Variants in CCDC27 observed in about 807,000 individuals in gnomAD.
The protein encoded by CCDC27 is coiled-coil domain-containing protein 27.
Under a neutral mutation model 80.3 loss-of-function variants are expected in CCDC27, and 80 were observed. The ratio of observed to expected loss-of-function variants is 1.00; its 90% CI spans 0.83 to 1.20. The LOEUF (loss-of-function observed/expected upper bound fraction) is 1.20. CCDC27 is among the 50% of genes most tolerant of loss of function. The probability of loss-of-function intolerance (pLI) is 0.00; values close to 1 mark genes in which losing one functional copy is unlikely to be tolerated. For missense variants in CCDC27, 815 were observed against 809.4 expected, an observed-to-expected ratio of 1.01 and a Z score of -0.08; for synonymous variants, 342 against 334.3, an observed-to-expected ratio of 1.02 and a Z score of -0.25.
Position 3,757,172 on chromosome 1 carries a change from G to T in CCDC27, c.711+282G>T, listed in dbSNP as rs1363122191. ...ACACATCTTTGCACCCACAGTATCT[G>T]CTTCAGAGAATGTATTCTAAATAAT... On this transcript the variant is annotated intron_variant, in intron 4 of 11. Coordinates refer to ENST00000294600, the MANE Select transcript of CCDC27 (RefSeq NM_152492.3). 5 of 270,270 alleles carry T rather than the reference G, an allele frequency of 1.8e-5. No homozygotes were observed. In the East Asian group the frequency reaches 2.1e-4, roughly 12 times the overall value. The allele number at this position is 270,270 out of a possible 1,614,324, so 16.7% of individuals were successfully genotyped here.
chr1:3,755,599 C>T, intron 3 of CCDC27, 32 bp downstream of exon 3: 1 of 1,551,574 alleles, frequency 6.4e-7, no homozygotes, highest in Non-Finnish European at 8.9e-7. Flanking sequence ...CTGCCTGCAC[C>T]TGCTGGGCCC....
At chr1:3,754,070 T>C in intron 1 of CCDC27, 48 bp from the exon 2 acceptor site, 1 of 1,601,428 alleles carries the variant, frequency 6.2e-7, no homozygotes, top group Non-Finnish European at 8.5e-7. Flanking sequence ...TGGGCTGGCC[T>C]ACAGTCAGGG....
intron 4 of CCDC27, among the ~76,000 whole-genome samples, chr1:3,759,520 A>T (rs1025893113): frequency 2.6e-5 from 4 of 152,132 alleles, no homozygotes; most frequent in African/African-American, 9.7e-5. Flanking sequence ...AATCAGCTTT[A>T]GATTTTGTTG....
intron 8 of CCDC27, among the ~76,000 whole-genome samples, chr1:3,765,108 T>C (rs996174660): frequency 6.6e-6 from 1 of 151,966 alleles, no homozygotes; most frequent in African/African-American, 2.4e-5. Flanking sequence ...GTCCTTACTC[T>C]ATACCCTCAT....
rs554846627 is a variant in CCDC27 at position 3,767,161 on chromosome 1, G to T, written c.1531-72G>T. The T allele has an allele frequency of 6.1e-5, 87 of 1,427,476 alleles. No homozygotes were observed. The African/African-American group carries it at 1.1e-3, about 18-fold the overall frequency. The allele number at this position is 1,427,476 out of a possible 1,614,324, so 88.4% of individuals were successfully genotyped here. On this transcript the variant is annotated intron_variant, in intron 9 of 11. Transcript: ENST00000294600. ...GCCGCCGGCCATCTTTTAGGAAAAA[G>T]TGGATGGGTGCCACACATACTCAGG...
At position 3,763,561 on chromosome 1, in the gene CCDC27, G is replaced by C; in HGVS notation, c.1321+87G>C. 6.4e-7 allele frequency: 1 copy of C among 1,552,684 alleles called. No individual in the cohort carries two copies. ...GGACGCCCAGACGCTGCCTGCTCTG[G>C]TCAGTGAGCTGGAGCAGGGGCAGGT... On this transcript the variant is annotated intron_variant, in intron 7 of 11. Transcript: ENST00000294600. This position sits in a 1 kb window ranked among gnomAD's most constrained non-coding sequence, Gnocchi z 7.5.
intron 6 of CCDC27, 184 bp downstream of exon 6, chr1:3,762,896 C>T: frequency 1.3e-6 from 1 of 786,978 alleles, no homozygotes; most frequent in South Asian, 1.9e-5. Context: ...AGGTCAGGTG[C>T]AGTCTACTGA....
At chr1:3,755,793 G>A (rs1642938611) in intron 3 of CCDC27, 1 of 528,056 alleles carries the variant, frequency 1.9e-6, no homozygotes, top group Non-Finnish European at 3.4e-6. Flanking sequence ...CTTGTCTTTA[G>A]TAAAAATCGT....
chr1:3,755,421 C>A, intron 2 of CCDC27, 36 bp from the exon 3 acceptor site: 1 of 1,541,800 alleles, frequency 6.5e-7, no homozygotes, highest in Non-Finnish European at 9.0e-7. Flanking sequence ...GACAAGACCG[C>A]AGCAGTCACC....
chr1:3,767,105 C>T (rs753810520), intron 9 of CCDC27, 128 bp from the exon 10 acceptor site: 26 of 766,584 alleles, frequency 3.4e-5, no homozygotes, highest in African/African-American at 1.2e-4. Context: ...TCCCAAAGTG[C>T]TGGGATTACA....
chr1:3,762,488 C>A, intron 5 of CCDC27, 132 bp from the exon 6 acceptor site: 1 of 694,010 alleles, frequency 1.4e-6, no homozygotes, highest in Non-Finnish European at 2.4e-6. Context: ...ATCCCCCAGC[C>A]CCTTGGCAGG....
rs759951633 is a variant in CCDC27 at position 3,767,446 on chromosome 1, G to T, written c.1743+1G>T. The T allele has an allele frequency of 6.8e-6, 11 of 1,608,180 alleles. No individual in the cohort carries two copies. Among genetic ancestry groups the T allele is most frequent in the South Asian group, 6.6e-5 (6 of 90,496 alleles). On this transcript the variant is annotated splice_donor_variant, in intron 10 of 11. Transcript: ENST00000294600. LOFTEE classifies it high-confidence loss of function. ...GGCCCTGGAGAGCTCCCAGTCCAGG[G>T]TATGCCCAGCCCTTCCTCCTGAGGG...
chr1:3,770,545 G>A (rs940959950), intron 11 of CCDC27, among the ~76,000 whole-genome samples: 20 of 152,228 alleles, frequency 1.3e-4, no homozygotes, highest in African/African-American at 3.4e-4. Context: ...GCCGGGCACC[G>A]GCTATGGCTC....
chr1:3,765,365 C>T (rs1643203881), intron 8 of CCDC27, among the ~76,000 whole-genome samples: 1 of 152,162 alleles, frequency 6.6e-6, no homozygotes, highest in South Asian at 2.1e-4. Context: ...ACTCAGTGGC[C>T]ATCTGGAAAC....
chr1:3,753,480 C>T (rs1642874509), intron 1 of CCDC27, among the ~76,000 whole-genome samples: 1 of 151,932 alleles, frequency 6.6e-6, no homozygotes, highest in Non-Finnish European at 1.5e-5. Flanking sequence ...GCCACCTTGC[C>T]CGGCTAATTT....
Position 3,760,134 on chromosome 1 carries a change from T to C in CCDC27, c.712-1147T>C, listed in dbSNP as rs1643051742. On this transcript the variant is annotated intron_variant, in intron 4 of 11. Coordinates refer to ENST00000294600, the MANE Select transcript of CCDC27 (RefSeq NM_152492.3). This position sits in a 1 kb window ranked among gnomAD's most constrained non-coding sequence, Gnocchi z 4.3. ...ATCGGATCTCCCTTCCAGCAGTCCT[T>C]GCACTATTTTGAGACGTGCAAGTGT... 1.3e-5 allele frequency among the ~76,000 whole-genome samples: 2 copies of C among 152,240 alleles called. No individual in the cohort carries two copies. The highest frequency in any genetic ancestry group is 4.8e-5 in the African/African-American group (2 of 41,466).
intron 10 of CCDC27, 85 bp downstream of exon 10, chr1:3,767,530 G>A (rs1643256671): frequency 7.9e-7 from 1 of 1,268,402 alleles, no homozygotes; most frequent in African/African-American, 1.5e-5. Flanking sequence ...CACCGAGGTA[G>A]AACCGGGGTC....
At position 3,760,644 on chromosome 1, in the gene CCDC27, CT is replaced by C. The variant is rs1643063178; in HGVS notation, c.712-635del. Among the ~76,000 whole-genome samples the C allele has an allele frequency of 6.6e-6, 1 of 152,186 alleles. No homozygotes were observed. The highest frequency in any genetic ancestry group is 6.5e-5 in the Admixed American group (1 of 15,274). ...CCATTGGCTACACAGAAGCCTATCA[CT>C]TACTTTCCAAACATTTAGGGGACTT... is the stretch of plus-strand genomic sequence containing the variant. On this transcript the variant is annotated intron_variant, in intron 4 of 11. Transcript: ENST00000294600. The surrounding 1 kb of genome is among the most constrained non-coding windows in gnomAD (Gnocchi z 4.3).
In CCDC27 at chr1:3,766,518, CT is replaced by C. The variant is rs1557630177; in HGVS notation, c.1453-15del. The C allele has an allele frequency of 1.2e-6, 2 of 1,605,166 alleles. No individual in the cohort carries two copies. Among genetic ancestry groups the C allele is most frequent in the Non-Finnish European group, 1.7e-6 (2 of 1,173,672 alleles). On this transcript the variant is annotated splice_polypyrimidine_tract_variant and intron_variant, in intron 8 of 11. Coordinates refer to ENST00000294600, the MANE Select transcript of CCDC27 (RefSeq NM_152492.3). This position sits in a 1 kb window ranked among gnomAD's most constrained non-coding sequence, Gnocchi z 6.1. ...AACCTGGGAGTCCCCCAAGCCAACC[CT>C]TCTGTCTCCTTCCAGTTCTCCAACC...
Sources: gnomAD v4.1 joint callset for allele counts (sites outside exome capture counted in the v4.1 genomes callset) on GRCh38, gnomAD v4.1.1 for gene constraint, Gnocchi (gnomAD v3.1) non-coding constraint, MANE v1.5 for transcripts, NCBI Gene and HGNC (gene_info 2026-07-23, HGNC 2026-07-21) for gene names.